Variants in ALB observed in about 807,000 individuals in gnomAD.
ALB encodes albumin, also known as serum albumin.
In ALB, 37 loss-of-function variants were observed where a neutral mutation model predicts 74.5. The ratio of observed to expected loss-of-function variants is 0.50; its 90% CI spans 0.38 to 0.65. The LOEUF (loss-of-function observed/expected upper bound fraction) is 0.65. Among genes scored for constraint, ALB ranks in the 30% least tolerant of loss-of-function variants. The pLI is 0.00. For synonymous variants in ALB, 249 were observed against 251.6 expected, an observed-to-expected ratio of 0.99 and a Z score of 0.10; for missense variants, 685 against 718.7, an observed-to-expected ratio of 0.95 and a Z score of 0.54.
At chr4:73,419,708 A>G in intron 13 of ALB, 69 bp downstream of exon 13, 9 of 1,565,150 alleles carry the variant, frequency 5.8e-6, no homozygotes, top group Non-Finnish European at 7.9e-6. Flanking sequence ...GCTAGGGCTT[A>G]GGGATTTATA....
intron 12 of ALB, 90 bp from the exon 13 acceptor site, chr4:73,419,417 G>T: frequency 1.4e-6 from 2 of 1,406,770 alleles, no homozygotes; most frequent in African/African-American, 1.4e-5. Flanking sequence ...AATCTTAAAT[G>T]ATGGGACTAC....
intron 3 of ALB, among the ~76,000 whole-genome samples, chr4:73,408,231 C>T (rs1041242142): frequency 3.3e-5 from 5 of 152,124 alleles, no homozygotes; most frequent in East Asian, 1.9e-4. Flanking sequence ...ATGTTTTTCT[C>T]CCCTAGGTGA....
At chr4:73,417,762 T>G in intron 11 of ALB, 93 bp downstream of exon 11, 1 of 1,155,890 alleles carries the variant, frequency 8.7e-7, no homozygotes, top group Non-Finnish European at 1.2e-6. Flanking sequence ...AAGGAAGTAA[T>G]GTGTGTGTGT....
At chr4:73,405,942 C>T (rs1343188835) in intron 2 of ALB, among the ~76,000 whole-genome samples, 4 of 151,764 alleles carry the variant, frequency 2.6e-5, no homozygotes, top group African/African-American at 9.7e-5. Flanking sequence ...TTTTAAAAGT[C>T]TACCTAATCC....
chr4:73,411,381 A>T (rs1193823138), intron 6 of ALB, among the ~76,000 whole-genome samples: 1 of 152,210 alleles, frequency 6.6e-6, no homozygotes, highest in African/African-American at 2.4e-5. Flanking sequence ...ATCTTGTCAT[A>T]GAGTTTGAAG....
rs1577936499 is a variant in ALB, at chr4:73,409,385, T to C, written c.513T>C (p.Pro171=). The part of the protein sequence containing the change: ...KYLYEIARRH[P]YFYAPELLFF... ...TATATGAAATTGCCAGAAGACATCC[T>C]TACTTTTATGCCCCGGAACTCCTTT... Residue 171 remains proline (P), a synonymous_variant, in exon 5 of 15, where the codon CCT becomes CCC. Coordinates refer to ENST00000295897, the MANE Select transcript of ALB (RefSeq NM_000477.7). The C allele has an allele frequency of 6.2e-7, 1 of 1,613,970 alleles. No individual in the cohort carries two copies. Among genetic ancestry groups the C allele is most frequent in the Non-Finnish European group, 8.5e-7 (1 of 1,179,846 alleles).
chr4:73,412,600 C>T (rs558136124), intron 7 of ALB, among the ~76,000 whole-genome samples: 92 of 152,272 alleles, frequency 6.0e-4, no homozygotes, highest in African/African-American at 2.1e-3. Context: ...CATGCGCCAC[C>T]ACACCTGGCT....
Position 73,419,532 on chromosome 4 carries a change from A to G in ALB, c.1678A>G (p.Lys560Glu), listed in dbSNP as rs77645174. 1 of 1,613,438 alleles carries G rather than the reference A, an allele frequency of 6.2e-7. No individual in the cohort carries two copies. The highest frequency in any genetic ancestry group is 1.1e-5 in the South Asian group (1 of 91,050). The change falls in exon 13 of 15, where the codon AAG (lysine) becomes GAG (glutamate). Residue 560 changes from lysine (K) to glutamate (E), a missense_variant. Physicochemically the swap from Lys to Glu is moderately conservative, Grantham distance 56. Transcript: ENST00000295897. The stretch of plus-strand genomic sequence containing the variant: ...TGCACTTGTTGAGCTCGTGAAACAC[A>G]AGCCCAAGGCAACAAAAGAGCAACT... ...QTALVELVKH[K>E]PKATKEQLKA...
chr4:73,416,258 C>A lies in ALB; in HGVS notation c.1194C>A (p.Phe398Leu). The change falls in exon 10 of 15, where the codon TTC becomes TTA. Residue 398 changes from phenylalanine to leucine, a missense_variant and splice_region_variant. Coordinates refer to ENST00000295897, the MANE Select transcript of ALB (RefSeq NM_000477.7). ...AACACAATTCTTTTATGTTTCAGTT[C>A]GATGAATTTAAACCTCTTGTGGAAG... ...ADPHECYAKV[F>L]DEFKPLVEEP... 1.2e-6 allele frequency: 2 copies of A among 1,612,082 alleles called. No individual in the cohort carries two copies. The highest frequency in any genetic ancestry group is 1.1e-5 in the South Asian group (1 of 90,972).
intron 8 of ALB, 103 bp from the exon 9 acceptor site, chr4:73,414,932 C>A: frequency 6.8e-7 from 1 of 1,461,118 alleles, no homozygotes; most frequent in Non-Finnish European, 9.5e-7. Flanking sequence ...GGGGTTTAGT[C>A]AAATTAAGAC....
Position 73,411,546 on chromosome 4 carries a change from A to C in ALB, c.714-450A>C, listed in dbSNP as rs144314835. 1.2e-4 allele frequency among the ~76,000 whole-genome samples: 19 copies of C among 152,344 alleles called. No individual in the cohort carries two copies. In the East Asian group the frequency reaches 3.5e-3, roughly 28 times the overall value. On this transcript the variant is annotated intron_variant, in intron 6 of 14. Coordinates refer to ENST00000295897, the MANE Select transcript of ALB (RefSeq NM_000477.7). ...CTGGAGTTTGTGTAGTACTTCCCAG[A>C]TTATAAAATGCTTTTGTATGTATTA...
In ALB at chr4:73,408,705, C is replaced by T; in HGVS notation, c.382C>T (p.Gln128Ter). 1 of 1,613,992 alleles carries T rather than the reference C, an allele frequency of 6.2e-7. No individual in the cohort carries two copies. Among genetic ancestry groups the T allele is most frequent in the Non-Finnish European group, 8.5e-7 (1 of 1,179,930 alleles). The change falls in exon 4 of 15, where the codon CAA (glutamine) becomes TAA (stop). Residue 128 changes from glutamine to a stop codon, truncating the protein, a stop_gained. Transcript: ENST00000295897. LOFTEE classifies it high-confidence loss of function. ...QEPERNECFL[Q>*]HKDDNPNLPR... is the part of the protein sequence containing the mutation. Reference sequence around the variant, plus strand: ...ACCTGAGAGAAATGAATGCTTCTTGCAACACAAAGATGACAACCCAAACCT... The same window carrying T: ...ACCTGAGAGAAATGAATGCTTCTTGTAACACAAAGATGACAACCCAAACCT...
chr4:73,419,270 G>T, intron 12 of ALB: 1 of 531,206 alleles, frequency 1.9e-6, no homozygotes, highest in Non-Finnish European at 3.4e-6. Context: ...GGTTTATACT[G>T]ATTGTTTCAG....
rs1719127749 is a variant in ALB at position 73,421,000 on chromosome 4, A to G, written c.*24-92A>G. The G allele has an allele frequency of 9.5e-6, 6 of 628,818 alleles. No individual in the cohort carries two copies. The South Asian group carries it at 1.1e-4, about 12-fold the overall frequency. The allele number at this position is 628,818 out of a possible 1,614,324, so 39.0% of individuals were successfully genotyped here. A position where few individuals can be genotyped will look rare whatever the true frequency, so the allele number is the denominator to read the frequency against. On this transcript the variant is annotated intron_variant, in intron 14 of 14. Transcript: ENST00000295897. ...TTTCACTGGTGTAAATTGCAGAAAG[A>G]TGATCTAAGTAATTTGGCATTTATT...
At position 73,409,338 on chromosome 4, in the gene ALB, T is replaced by C; in HGVS notation, c.483-17T>C. ...TCTGCTATAGAAAAGTGACTGTTTT[T>C]CTTTTTCAAAATTTAGATACTTATA... On this transcript the variant is annotated splice_polypyrimidine_tract_variant and intron_variant, in intron 4 of 14. Transcript: ENST00000295897. 11 of 1,612,378 alleles carry C rather than the reference T, an allele frequency of 6.8e-6. No individual in the cohort carries two copies. In the South Asian group the frequency reaches 1.1e-4, roughly 16 times the overall value.
chr4:73,412,281 T>C (rs550836585), intron 7 of ALB, 156 bp downstream of exon 7: 5 of 933,968 alleles, frequency 5.4e-6, no homozygotes, highest in South Asian at 1.3e-5. Context: ...ATGGTGGTGG[T>C]ACCTTTCTGT....
chr4:73,405,019 A>G (rs1459071339), intron 1 of ALB, 97 bp from the exon 2 acceptor site: 7 of 1,198,870 alleles, frequency 5.8e-6, no homozygotes, highest in Non-Finnish European at 7.3e-6. Flanking sequence ...AAACAAATGC[A>G]TAATCTAAGT....
intron 3 of ALB, 66 bp from the exon 4 acceptor site, chr4:73,408,528 A>T: frequency 1.5e-6 from 2 of 1,366,524 alleles, no homozygotes; most frequent in Non-Finnish European, 2.1e-6. Flanking sequence ...AATCCTTTGT[A>T]CTGTTCTTTG....
intron 3 of ALB, among the ~76,000 whole-genome samples, chr4:73,408,138 T>C (rs917050966): frequency 6.6e-6 from 1 of 152,156 alleles, no homozygotes; most frequent in African/African-American, 2.4e-5. Flanking sequence ...ATATGATGGA[T>C]TGTGTTACTC....
Sources: allele counts gnomAD v4.1 joint callset (sites outside exome capture counted in the v4.1 genomes callset), GRCh38; gene constraint gnomAD v4.1.1; transcripts MANE v1.5; gene names NCBI Gene and HGNC (gene_info 2026-07-23, HGNC 2026-07-21).